SIM1: variants seen among roughly 807,000 people sequenced by gnomAD.
The protein encoded by SIM1 is SIM bHLH transcription factor 1.
SIM1 carries 18 observed loss-of-function variants against 78.2 expected under a neutral mutation model. The observed-to-expected ratio is 0.23, with a 90% CI of 0.16 to 0.34. The LOEUF (loss-of-function observed/expected upper bound fraction) is 0.34. Among genes scored for constraint, SIM1 ranks in the 10% least tolerant of loss-of-function variants. The pLI is 1.00. For synonymous variants in SIM1, 417 were observed against 385.2 expected, an observed-to-expected ratio of 1.08 and a Z score of -0.97; for missense variants, 939 against 975.1, an observed-to-expected ratio of 0.96 and a Z score of 0.49.
chr6:100,402,611 C>T (rs566904370), intron 10 of SIM1, among the ~76,000 whole-genome samples: 6 of 118,396 alleles, frequency 5.1e-5, no homozygotes, highest in Non-Finnish European at 1.0e-4. Flanking sequence ...GGAGTCTCGC[C>T]CTGTCGCCCA....
chr6:100,389,451 A>C lies in SIM1; in HGVS notation c.*910T>G, dbSNP rs1472171793. 5 of 395,656 alleles carry C rather than the reference A, an allele frequency of 1.3e-5. No individual in the cohort carries two copies. Among genetic ancestry groups the C allele is most frequent in the African/African-American group, 8.2e-5 (4 of 48,574 alleles). The allele number at this position is 395,656 out of a possible 1,614,324, so 24.5% of individuals were successfully genotyped here. A position where few individuals can be genotyped will look rare whatever the true frequency, so the allele number is the denominator to read the frequency against. The stretch of plus-strand genomic sequence containing the variant: ...TCTTTTTTCTGGGTGAATTGGTTTG[A>C]ATTTTTTATTTAGTTGGTTTTACAA... On this transcript the variant is annotated 3_prime_UTR_variant, in exon 12 of 12. Coordinates refer to ENST00000369208, the MANE Select transcript of SIM1 (RefSeq NM_005068.3).
At chr6:100,393,147 T>A (rs2114462018) in intron 11 of SIM1, among the ~76,000 whole-genome samples, 1 of 152,206 alleles carries the variant, frequency 6.6e-6, no homozygotes, top group South Asian at 2.1e-4. Flanking sequence ...ACTATTCAAG[T>A]CCACATTTGA....
chr6:100,441,835 A>C (rs1772225737), intron 9 of SIM1, among the ~76,000 whole-genome samples: 1 of 152,238 alleles, frequency 6.6e-6, no homozygotes, highest in African/African-American at 2.4e-5. Context: ...TTAATCTTCC[A>C]TCATTAATTC....
In SIM1 at chr6:100,453,839, C is replaced by G. The variant is rs749345383; in HGVS notation, c.181G>C (p.Gly61Arg). 6.8e-6 allele frequency: 11 copies of G among 1,610,880 alleles called. No homozygotes were observed. The East Asian group carries it at 2.5e-4, about 36-fold the overall frequency. ...KMRVVFPEGL[G>R]EAWGHSSRTS... The stretch of plus-strand genomic sequence containing the variant: ...CGACTTGAGTGGCCCCACGCCTCGC[C>G]GAGCCCTGTGGAGACACAGAAGCAT... Residue 61 changes from glycine to arginine, a missense_variant, in exon 3 of 12, where the codon GGC becomes CGC. By Grantham distance (125) the Gly-to-Arg change is moderately radical. Around this residue, in one of 5 missense-constraint regions of SIM1, gnomAD observed 121 missense variants for 124.6 expected, o/e 0.97. Transcript: ENST00000369208.
At chr6:100,455,549 G>C (rs1215604583) in intron 2 of SIM1, among the ~76,000 whole-genome samples, 1 of 152,198 alleles carries the variant, frequency 6.6e-6, no homozygotes, top group Admixed American at 6.5e-5. Context: ...CACTCAGAAG[G>C]AGTGACAGGA....
At position 100,387,349 on chromosome 6, in the gene SIM1, A is replaced by C. The variant is rs937585987; in HGVS notation, c.*3012T>G. ...AAATTATCGGGAACGTAGTTATTTT[A>C]TATACTATTTTTAAAAGACACAGAT... On this transcript the variant is annotated 3_prime_UTR_variant, in exon 12 of 12. Transcript: ENST00000369208. 6.6e-6 allele frequency: 1 copy of C among 152,110 alleles called. No homozygotes were observed. The highest frequency in any genetic ancestry group is 2.4e-5 in the African/African-American group (1 of 41,446). The allele number at this position is 152,110 out of a possible 1,614,324, so 9.4% of individuals were successfully genotyped here.
At position 100,390,334 on chromosome 6, in the gene SIM1, TAA is replaced by T. The variant is rs963791188; in HGVS notation, c.*25_*26del. ...ACTATAAATATGTTTCAGAGATCCT[TAA>T]AGAACAAAATATTTCAGCAAAACAT... is the stretch of plus-strand genomic sequence containing the variant. On this transcript the variant is annotated 3_prime_UTR_variant, in exon 12 of 12. Coordinates refer to ENST00000369208, the MANE Select transcript of SIM1 (RefSeq NM_005068.3). The T allele has an allele frequency of 3.1e-6, 5 of 1,595,610 alleles. No homozygotes were observed. The highest frequency in any genetic ancestry group is 3.4e-6 in the Non-Finnish European group (4 of 1,171,170).
intron 9 of SIM1, among the ~76,000 whole-genome samples, chr6:100,438,931 A>G (rs1035455346): frequency 6.6e-6 from 1 of 152,164 alleles, no homozygotes; most frequent in African/African-American, 2.4e-5. Context: ...AGGCATAAGA[A>G]TGGTATAATG....
Position 100,389,388 on chromosome 6 carries a change from C to A in SIM1, c.*973G>T, listed in dbSNP as rs1326812129. 1.3e-5 allele frequency: 5 copies of A among 381,204 alleles called. No homozygotes were observed. The highest frequency in any genetic ancestry group is 2.3e-5 in the Non-Finnish European group (5 of 215,410). The allele number at this position is 381,204 out of a possible 1,614,324, so 23.6% of individuals were successfully genotyped here. On this transcript the variant is annotated 3_prime_UTR_variant, in exon 12 of 12. Transcript: ENST00000369208. ...AACACTTAACACTGCTGTCATGTGG[C>A]ACTTCACTGGTTTTCCTTTTATTTT...
intron 10 of SIM1, among the ~76,000 whole-genome samples, chr6:100,397,758 G>A (rs921439992): frequency 5.9e-5 from 9 of 151,964 alleles, no homozygotes; most frequent in African/African-American, 2.2e-4. Context: ...AAGGGATAAA[G>A]CATTTACAAA....
At chr6:100,426,721 A>G (rs1464161889) in intron 9 of SIM1, among the ~76,000 whole-genome samples, 1 of 152,234 alleles carries the variant, frequency 6.6e-6, no homozygotes, top group African/African-American at 2.4e-5. Flanking sequence ...TTGTTGATTC[A>G]AGATTATTTG....
rs1209725675 is a variant in SIM1 at position 100,390,896 on chromosome 6, G to A, written c.1766C>T (p.Ser589Leu). Residue 589 changes from serine (S) to leucine (L), a missense_variant, in exon 12 of 12, where the codon TCA (serine) becomes TTA (leucine). Physicochemically the swap from Ser to Leu is moderately radical, Grantham distance 145. This residue lies in a region of SIM1 where 556 missense variants were observed against 521.9 expected (regional missense o/e 1.07). Transcript: ENST00000369208. ...ENRLQLRKAP[S>L]DQLASINGAG... The stretch of plus-strand genomic sequence containing the variant: ...CCCATTAATGGAAGCCAGTTGGTCT[G>A]AGGGGGCTTTCCTTAGCTGTAATCT... 4.3e-6 allele frequency: 7 copies of A among 1,614,166 alleles called. No individual in the cohort carries two copies. In the Admixed American group the frequency reaches 5.0e-5, roughly 12 times the overall value.
At chr6:100,393,352 T>C (rs1770687367) in intron 11 of SIM1, 135 bp downstream of exon 11, 4 of 765,356 alleles carry the variant, frequency 5.2e-6, no homozygotes, top group Non-Finnish European at 7.4e-6. Flanking sequence ...GAGTGAACTT[T>C]GTTTTTAATC....
chr6:100,454,569 G>C (rs996032344), intron 2 of SIM1, among the ~76,000 whole-genome samples: 5 of 151,970 alleles, frequency 3.3e-5, no homozygotes, highest in Admixed American at 3.3e-4. Flanking sequence ...TACTTTGGGT[G>C]CTAACAATCT....
chr6:100,455,735 G>T (rs1160086406), intron 2 of SIM1, among the ~76,000 whole-genome samples: 1 of 152,214 alleles, frequency 6.6e-6, no homozygotes, highest in East Asian at 1.9e-4. Flanking sequence ...GGCAAAGACT[G>T]CGTTGCGACT....
At chr6:100,454,339 G>A (rs939500327) in intron 2 of SIM1, among the ~76,000 whole-genome samples, 33 of 152,274 alleles carry the variant, frequency 2.2e-4, no homozygotes, top group East Asian at 1.9e-3. Flanking sequence ...GATTGGCTGC[G>A]GGGCTTCTAG....
intron 9 of SIM1, among the ~76,000 whole-genome samples, chr6:100,432,108 T>C (rs1050371245): frequency 3.9e-5 from 6 of 152,198 alleles, no homozygotes; most frequent in Non-Finnish European, 7.3e-5. Context: ...ATCATGCCAT[T>C]GCACTCCAGC....
chr6:100,461,619 A>G (rs1772848248), intron 2 of SIM1, among the ~76,000 whole-genome samples: 1 of 152,216 alleles, frequency 6.6e-6, no homozygotes, highest in African/African-American at 2.4e-5. Flanking sequence ...ACTGCTAATA[A>G]TCCTGTTAGG....
intron 2 of SIM1, among the ~76,000 whole-genome samples, chr6:100,457,004 G>A (rs994024071): frequency 6.6e-6 from 1 of 152,202 alleles, no homozygotes; most frequent in African/African-American, 2.4e-5. Context: ...ATTTAGGCCC[G>A]TTCTTGGCGA....
Sources: allele counts gnomAD v4.1 joint callset (sites outside exome capture counted in the v4.1 genomes callset), GRCh38; gene constraint gnomAD v4.1.1; regional missense constraint gnomAD v4.1.1; transcripts MANE v1.5; gene names NCBI Gene and HGNC (gene_info 2026-07-23, HGNC 2026-07-21).